The following ZFPM1 variants were observed in gnomAD, a reference collection of about 807,000 sequenced individuals.
The protein encoded by ZFPM1 is zinc finger protein ZFPM1.
A neutral mutation model predicts 46.3 loss-of-function variants in ZFPM1; 28 were observed. The ratio of observed to expected loss-of-function variants is 0.60; its 90% CI spans 0.45 to 0.83. ZFPM1 has a LOEUF of 0.83. ZFPM1 is among the 40% of genes least tolerant of loss of function. ZFPM1 has a pLI of 0.00. For missense variants in ZFPM1, 1,878 were observed against 1,432.4 expected, an observed-to-expected ratio of 1.31 and a Z score of -5.02; for synonymous variants, 957 against 675.9, an observed-to-expected ratio of 1.42 and a Z score of -6.45.
At chr16:88,467,618 C>T (rs1008539557) in intron 1 of ZFPM1, among the ~76,000 whole-genome samples, 5 of 152,202 alleles carry the variant, frequency 3.3e-5, no homozygotes, top group East Asian at 1.9e-4. Context: ...CTGGGACCTC[C>T]GGACCCCGGG....
At chr16:88,505,506 C>A (rs1052140184) in intron 3 of ZFPM1, among the ~76,000 whole-genome samples, 1 of 152,168 alleles carries the variant, frequency 6.6e-6, no homozygotes, top group Non-Finnish European at 1.5e-5. Context: ...CCCCTGGTGC[C>A]CTCAGGAGGT....
In ZFPM1 at chr16:88,533,835, C is replaced by T. The variant is rs1220483660; in HGVS notation, c.1877C>T (p.Pro626Leu). ...CCCCCCGGCCCGGCCCGCGCGCCCCCCGGCCAGCCCGCCGAACCCGACGCG... is the reference window on the plus strand; with the variant it reads ...CCCCCCGGCCCGGCCCGCGCGCCCCTCGGCCAGCCCGCCGAACCCGACGCG... ...KAPPGPARAP[P>L]GQPAEPDAPR... is the part of the protein sequence containing the mutation. The change falls in exon 10 of 10, where the codon CCC (proline) becomes CTC (leucine). Residue 626 changes from proline to leucine, a missense_variant. Physicochemically the swap from Pro to Leu is moderately conservative, Grantham distance 98. Transcript: ENST00000319555. 2.1e-5 allele frequency: 21 copies of T among 990,384 alleles called. No homozygotes were observed. Among genetic ancestry groups the T allele is most frequent in the Admixed American group, 1.3e-4 (2 of 15,886 alleles). 61.3% of individuals were successfully genotyped at this position (990,384 alleles called of 1,614,324 possible).
At chr16:88,476,833 C>G (rs551772322) in intron 1 of ZFPM1, among the ~76,000 whole-genome samples, 191 of 152,314 alleles carry the variant, frequency 1.3e-3, no homozygotes, top group African/African-American at 3.9e-3. Context: ...CAGGGAAAGG[C>G]AGGGAATTTG....
At chr16:88,485,165 G>A (rs572508584) in intron 1 of ZFPM1, among the ~76,000 whole-genome samples, 4 of 152,320 alleles carry the variant, frequency 2.6e-5, no homozygotes, top group African/African-American at 4.8e-5. Context: ...AGGCCGTGGC[G>A]ACGGCGACCC....
At chr16:88,470,579 C>T (rs1177255802) in intron 1 of ZFPM1, among the ~76,000 whole-genome samples, 9 of 55,536 alleles carry the variant, frequency 1.6e-4, no homozygotes, top group Non-Finnish European at 1.0e-4. Flanking sequence ...GGATGTGGCA[C>T]GGTGTGGAGG....
At chr16:88,498,424 A>G (rs1910064248) in intron 3 of ZFPM1, among the ~76,000 whole-genome samples, 1 of 152,176 alleles carries the variant, frequency 6.6e-6, no homozygotes, top group Admixed American at 6.5e-5. Context: ...CAGAAAGAAC[A>G]TGGGTGTCCT....
At chr16:88,468,249 C>T (rs922255367) in intron 1 of ZFPM1, among the ~76,000 whole-genome samples, 11 of 149,546 alleles carry the variant, frequency 7.4e-5, no homozygotes, top group African/African-American at 2.7e-4. Context: ...AGCCCACCGT[C>T]CCGACGCACC....
rs368608348 is a variant in ZFPM1 at position 88,501,373 on chromosome 16, A to G, written c.268+12220A>G. On this transcript the variant is annotated intron_variant, in intron 3 of 9. Coordinates refer to ENST00000319555, the MANE Select transcript of ZFPM1 (RefSeq NM_153813.3). ...AGGTGCTGGTGATGATGGAGATAGC[A>G]GACATGGGTGCGGGGCCCTCCCGCA... Among the ~76,000 whole-genome samples, 37 of 70,952 alleles carry G rather than the reference A, an allele frequency of 5.2e-4. 1 individual carries two copies. Among genetic ancestry groups the G allele is most frequent in the African/African-American group, 1.1e-3 (22 of 20,154 alleles). 46.5% of individuals were successfully genotyped at this position (70,952 alleles called of 152,430 possible).
At chr16:88,488,129 T>C (rs1055545448) in intron 2 of ZFPM1, among the ~76,000 whole-genome samples, 25 of 152,210 alleles carry the variant, frequency 1.6e-4, no homozygotes, top group African/African-American at 5.8e-4. Context: ...CCCTTGGCTG[T>C]CACCGCCGCC....
At position 88,526,803 on chromosome 16, in the gene ZFPM1, TC is replaced by T. The variant is rs764532897; in HGVS notation, c.403-3del. ...GACCCCTCCCCACGTGTTCCTACCCTCCCCCCCCAGAGCCCAGCCCTGACCC... is the reference window on the plus strand; with the variant it reads ...GACCCCTCCCCACGTGTTCCTACCCTCCCCCCCAGAGCCCAGCCCTGACCC... On this transcript the variant is annotated splice_polypyrimidine_tract_variant and intron_variant, in intron 4 of 9. Transcript: ENST00000319555. The T allele has an allele frequency of 3.9e-3, 1,388 of 355,380 alleles. 28 individuals are homozygous for T. The African/African-American group carries it at 0.13, about 34-fold the overall frequency. 22.0% of individuals were successfully genotyped at this position (355,380 alleles called of 1,614,324 possible).
chr16:88,489,384 G>A (rs1909427307), intron 3 of ZFPM1: 1 of 559,616 alleles, frequency 1.8e-6, no homozygotes, highest in African/African-American at 1.9e-5. Context: ...AGGAAGCGCT[G>A]GGGGGTTCCC....
upstream of ZFPM1, chr16:88,453,171 G>A (rs1907356567): frequency 6.7e-6 from 1 of 149,524 alleles, no homozygotes; most frequent in African/African-American, 2.5e-5. Context: ...GGCGGAGCCG[G>A]AGAGGTGCAG....
chr16:88,526,911 G>A lies in ZFPM1; in HGVS notation c.500G>A (p.Arg167Lys), dbSNP rs748931708. Residue 167 changes from arginine to lysine, a missense_variant, in exon 5 of 10, where the codon AGG becomes AAG. Arg to Lys is a conservative substitution (Grantham distance 26, BLOSUM62 2). Transcript: ENST00000319555. ...GCCGAGGCCAACACAGAGATCCACA[G>A]GAAGGGTCAGTATGACGCGGCACCT... is the stretch of plus-strand genomic sequence containing the variant. ...TEAEANTEIH[R>K]KDDALWCRVT... 8.3e-6 allele frequency: 13 copies of A among 1,572,444 alleles called. No homozygotes were observed. In the Admixed American group the frequency reaches 1.1e-4, roughly 13 times the overall value.
chr16:88,526,614 G>A (rs997275369), intron 4 of ZFPM1, among the ~76,000 whole-genome samples, 200 bp from the exon 5 acceptor site: 2 of 152,200 alleles, frequency 1.3e-5, no homozygotes, highest in African/African-American at 4.8e-5. Flanking sequence ...CCAGCACGGT[G>A]TTAGCCCCAC....
At chr16:88,453,845 G>C (rs906669783) in intron 1 of ZFPM1, among the ~76,000 whole-genome samples, 167 bp downstream of exon 1, 1 of 151,700 alleles carries the variant, frequency 6.6e-6, no homozygotes, top group African/African-American at 2.4e-5. Flanking sequence ...AATCTCCGCC[G>C]GCGGCCTGGG....
In ZFPM1 at chr16:88,497,759, C is replaced by T. The variant is rs1165317870; in HGVS notation, c.268+8606C>T. Reference sequence around the variant, plus strand: ...CCTGAGGCCCACGAAGGGTCCCCCGCCCCAGGGTCCCGACAGGGCCCGCCC... The same window carrying T: ...CCTGAGGCCCACGAAGGGTCCCCCGTCCCAGGGTCCCGACAGGGCCCGCCC... On this transcript the variant is annotated intron_variant, in intron 3 of 9. Coordinates refer to ENST00000319555, the MANE Select transcript of ZFPM1 (RefSeq NM_153813.3). The surrounding 1 kb of genome is among the most constrained non-coding windows in gnomAD (Gnocchi z 5.4). 6.6e-6 allele frequency among the ~76,000 whole-genome samples: 1 copy of T among 152,168 alleles called. No homozygotes were observed. The highest frequency in any genetic ancestry group is 1.5e-5 in the Non-Finnish European group (1 of 68,024).
chr16:88,509,518 G>A (rs368661426), intron 3 of ZFPM1, among the ~76,000 whole-genome samples: 166 of 152,346 alleles, frequency 1.1e-3, no homozygotes, highest in African/African-American at 3.5e-3. Flanking sequence ...CCCGGTTCCC[G>A]GACGTCCGCA....
chr16:88,519,000 G>A (rs61728382), intron 4 of ZFPM1, among the ~76,000 whole-genome samples: 10,828 of 141,854 alleles, frequency 0.076, 890 homozygotes, highest in African/African-American at 0.21. Flanking sequence ...ATGGATAGAC[G>A]TATGGGTGGA....
chr16:88,469,200 G>T lies in ZFPM1; in HGVS notation c.40+15522G>T, dbSNP rs765782929. On this transcript the variant is annotated intron_variant, in intron 1 of 9. Coordinates refer to ENST00000319555, the MANE Select transcript of ZFPM1 (RefSeq NM_153813.3). This position sits in a 1 kb window ranked among gnomAD's most constrained non-coding sequence, Gnocchi z 4.3. Reference sequence around the variant, plus strand: ...CCCCCCACCGCTCCACCCTCTCCCCGCGCTGACTTCCATCCGGAACCTCAT... The same window carrying T: ...CCCCCCACCGCTCCACCCTCTCCCCTCGCTGACTTCCATCCGGAACCTCAT... 6.6e-6 allele frequency among the ~76,000 whole-genome samples: 1 copy of T among 152,064 alleles called. No homozygotes were observed. Among genetic ancestry groups the T allele is most frequent in the Non-Finnish European group, 1.5e-5 (1 of 67,994 alleles).
Sources: allele counts gnomAD v4.1 joint callset (sites outside exome capture counted in the v4.1 genomes callset), GRCh38; gene constraint gnomAD v4.1.1; non-coding constraint Gnocchi (gnomAD v3.1); transcripts MANE v1.5; gene names NCBI Gene and HGNC (gene_info 2026-07-23, HGNC 2026-07-21).